Variants in PPP1R9A observed in about 807,000 individuals in gnomAD.
The protein encoded by PPP1R9A is protein phosphatase 1 regulatory subunit 9A.
PPP1R9A carries 59 observed loss-of-function variants against 141.9 expected under a neutral mutation model. That is an observed-to-expected ratio of 0.42 (90% CI 0.34 to 0.52). The LOEUF is 0.52. Ranked by LOEUF, PPP1R9A falls within the 20% of genes least tolerant of loss-of-function variation. The pLI is 0.10. For synonymous variants in PPP1R9A, 500 were observed against 569.7 expected (o/e 0.88, Z 1.74); for missense variants, 1,444 against 1,611.9 (o/e 0.90, Z 1.78).
At chr7:95,217,457 T>TTTGGCA (rs1793647727) in intron 7 of PPP1R9A, among the ~76,000 whole-genome samples, 1 of 152,186 alleles carries the variant, frequency 6.6e-6, no homozygotes, top group South Asian at 2.1e-4. Flanking sequence ...TCTGCCAGGC[T>TTTGGCA]TTGGCATCAG....
intron 2 of PPP1R9A, among the ~76,000 whole-genome samples, chr7:95,064,595 A>G (rs1812701165): frequency 6.6e-6 from 1 of 152,232 alleles, no homozygotes; most frequent in African/African-American, 2.4e-5. Flanking sequence ...TCAGCTGGGA[A>G]CGTGCCCATT....
intron 2 of PPP1R9A, among the ~76,000 whole-genome samples, chr7:94,962,440 T>C (rs1202470704): frequency 6.6e-6 from 1 of 151,960 alleles, no homozygotes; most frequent in East Asian, 1.9e-4. Context: ...TTGTAAAATA[T>C]TGTAAAATAT....
At chr7:95,053,304 G>C (rs2152011409) in intron 2 of PPP1R9A, among the ~76,000 whole-genome samples, 1 of 152,264 alleles carries the variant, frequency 6.6e-6, no homozygotes. Flanking sequence ...GTAAGGTGTT[G>C]GTATGTGCTT....
intron 5 of PPP1R9A, among the ~76,000 whole-genome samples, chr7:95,189,855 C>CT (rs962091181): frequency 6.6e-6 from 1 of 152,050 alleles, no homozygotes; most frequent in Non-Finnish European, 1.5e-5. Context: ...TTTCCAGTGC[C>CT]TTTTTTTATT....
At chr7:95,106,329 G>C (rs1819510779) in intron 2 of PPP1R9A, among the ~76,000 whole-genome samples, 2 of 152,126 alleles carry the variant, frequency 1.3e-5, no homozygotes, top group African/African-American at 4.8e-5. Flanking sequence ...TTTACAACTT[G>C]GCAAGTGCTA....
chr7:95,151,156 G>A (rs1482185870), intron 4 of PPP1R9A, among the ~76,000 whole-genome samples: 1 of 152,112 alleles, frequency 6.6e-6, no homozygotes. Flanking sequence ...GAAAACTTTT[G>A]TCCACACAAA....
At chr7:95,078,788 G>C (rs1471998804) in intron 2 of PPP1R9A, among the ~76,000 whole-genome samples, 2 of 151,280 alleles carry the variant, frequency 1.3e-5, no homozygotes, top group African/African-American at 4.9e-5. Context: ...CTTTTGAGAA[G>C]TGTCTGTTCA....
intron 2 of PPP1R9A, among the ~76,000 whole-genome samples, chr7:94,947,056 A>AT: frequency 6.6e-6 from 1 of 152,064 alleles, no homozygotes; most frequent in South Asian, 2.1e-4. Context: ...TATCTTTTTA[A>AT]TTTTTTTCTT....
chr7:95,008,931 G>T (rs540472391), intron 2 of PPP1R9A, among the ~76,000 whole-genome samples: 29 of 152,162 alleles, frequency 1.9e-4, no homozygotes, highest in Non-Finnish European at 4.0e-4. Flanking sequence ...ACTGGATTAA[G>T]AAAATGTGGC....
At chr7:95,165,647 C>T (rs1205434674) in intron 5 of PPP1R9A, among the ~76,000 whole-genome samples, 3 of 152,134 alleles carry the variant, frequency 2.0e-5, no homozygotes, top group Non-Finnish European at 4.4e-5. Flanking sequence ...ACAACTTACA[C>T]ATATTTTGGT....
chr7:95,150,256 T>C (rs751485433), intron 4 of PPP1R9A, among the ~76,000 whole-genome samples: 2 of 152,034 alleles, frequency 1.3e-5, no homozygotes, highest in African/African-American at 2.4e-5. Flanking sequence ...GCAAAACTCC[T>C]AAATGACAAC....
At chr7:94,923,086 A>G (rs1042211281) in intron 2 of PPP1R9A, among the ~76,000 whole-genome samples, 3 of 152,196 alleles carry the variant, frequency 2.0e-5, no homozygotes, top group Non-Finnish European at 2.9e-5. Flanking sequence ...CATTAAGTGC[A>G]TATTTCTTAA....
intron 2 of PPP1R9A, among the ~76,000 whole-genome samples, chr7:95,051,252 C>T (rs1043056145): frequency 7.3e-5 from 11 of 151,640 alleles, no homozygotes; most frequent in African/African-American, 2.4e-4. Context: ...GTCTTTTCTC[C>T]ATTGTATTGT....
At chr7:94,949,880 A>G (rs891131778) in intron 2 of PPP1R9A, among the ~76,000 whole-genome samples, 1 of 146,022 alleles carries the variant, frequency 6.8e-6, no homozygotes, top group African/African-American at 2.5e-5. Context: ...TCAAAATGAC[A>G]TGTTTTCTTT....
intron 2 of PPP1R9A, among the ~76,000 whole-genome samples, chr7:95,098,882 G>A (rs1404088009): frequency 6.6e-6 from 1 of 152,156 alleles, no homozygotes; most frequent in Non-Finnish European, 1.5e-5. Context: ...ATGGGAGAGT[G>A]TAAACTTCTG....
rs573913848 is a variant in PPP1R9A, at chr7:95,224,281, T to TG, written c.1957-1676dup. Among the ~76,000 whole-genome samples, 365 of 152,244 alleles carry TG rather than the reference T, an allele frequency of 2.4e-3. 1 individual carries two copies. Among genetic ancestry groups the TG allele is most frequent in the African/African-American group, 8.5e-3 (355 of 41,554 alleles). ...CAGTCAAATCACCTGTGATTATATTTGGGGAAAGTAAAGGTTCCAACTAAC... is the reference window on the plus strand; with the variant it reads ...CAGTCAAATCACCTGTGATTATATTTGGGGGAAAGTAAAGGTTCCAACTAAC... On this transcript the variant is annotated intron_variant, in intron 7 of 19. Transcript: ENST00000433360.
intron 12 of PPP1R9A, 105 bp from the exon 13 acceptor site, chr7:95,268,445 C>T: frequency 7.7e-7 from 1 of 1,306,478 alleles, no homozygotes; most frequent in South Asian, 1.4e-5. Flanking sequence ...TCACCTGATC[C>T]TTACCTGATG....
intron 8 of PPP1R9A, among the ~76,000 whole-genome samples, chr7:95,227,937 A>G (rs1414655447): frequency 6.6e-6 from 1 of 152,190 alleles, no homozygotes; most frequent in Admixed American, 6.5e-5. Context: ...GCCCCTGTGT[A>G]TCACCTGTGT....
rs929027826 is a variant in PPP1R9A at position 95,265,549 on chromosome 7, G to A, written c.2666-3001G>A. Among the ~76,000 whole-genome samples, 18 of 152,260 alleles carry A rather than the reference G, an allele frequency of 1.2e-4. No individual in the cohort carries two copies. In the East Asian group the frequency reaches 3.1e-3, roughly 26 times the overall value. On this transcript the variant is annotated intron_variant, in intron 12 of 19. Transcript: ENST00000433360. ...TAAATCTTATACACATTTTCCTTCC[G>A]TGTACACACGTGTCCTCTAATACTG... is the stretch of plus-strand genomic sequence containing the variant.
Sources: allele counts gnomAD v4.1 joint callset (sites outside exome capture counted in the v4.1 genomes callset), GRCh38; gene constraint gnomAD v4.1.1; transcripts MANE v1.5; gene names NCBI Gene and HGNC (gene_info 2026-07-23, HGNC 2026-07-21).